Variants in PLPPR1 observed in about 807,000 individuals in gnomAD.
PLPPR1 encodes the protein phospholipid phosphatase related 1.
In PLPPR1, 10 loss-of-function variants were observed where a neutral mutation model predicts 33.1. The ratio of observed to expected loss-of-function variants is 0.30; its 90% CI spans 0.19 to 0.51. The LOEUF is 0.51. PLPPR1 is among the 20% of genes least tolerant of loss of function. The probability of loss-of-function intolerance (pLI) is 0.97; values close to 1 mark genes in which losing one functional copy is unlikely to be tolerated. For synonymous variants in PLPPR1, 151 were observed against 151.0 expected, an observed-to-expected ratio of 1.00 and a Z score of 0.00; for missense variants, 304 against 408.1, an observed-to-expected ratio of 0.74 and a Z score of 2.20.
intron 2 of PLPPR1, among the ~76,000 whole-genome samples, chr9:101,207,178 GAATA>G (rs1285574717): frequency 6.6e-6 from 1 of 151,840 alleles, no homozygotes; most frequent in Non-Finnish European, 1.5e-5. Context: ...GCAAAATACT[GAATA>G]AATATTGGCT....
rs149867049 is a variant in PLPPR1, at chr9:101,148,084, G to A, written c.-45-37366G>A. ...CTCTGCTCCAAGTGGACGGAATGGA[G>A]TTTCAATTGCCTAGGGTGCCTTGCC... On this transcript the variant is annotated intron_variant, in intron 1 of 7. Transcript: ENST00000374874. 3.0e-3 allele frequency among the ~76,000 whole-genome samples: 453 copies of A among 152,256 alleles called. 2 individuals carry two copies. Among genetic ancestry groups the A allele is most frequent in the Middle Eastern group, 0.01 (3 of 294 alleles).
chr9:101,097,612 T>C (rs945033916), intron 1 of PLPPR1, among the ~76,000 whole-genome samples: 5 of 152,196 alleles, frequency 3.3e-5, no homozygotes, highest in African/African-American at 4.8e-5. Flanking sequence ...CTGAAAGTAT[T>C]CATTGTCTGT....
intron 2 of PLPPR1, among the ~76,000 whole-genome samples, chr9:101,234,637 T>G (rs1010617217): frequency 6.6e-6 from 1 of 151,788 alleles, no homozygotes; most frequent in Non-Finnish European, 1.5e-5. Flanking sequence ...GAGAGAGAGA[T>G]CTCAACTAGA....
chr9:101,304,091 A>G (rs1177400550), intron 4 of PLPPR1, among the ~76,000 whole-genome samples: 1 of 122,164 alleles, frequency 8.2e-6, no homozygotes, highest in African/African-American at 3.5e-5. Context: ...ATTATGATTT[A>G]CAGTTTTCCA....
intron 1 of PLPPR1, among the ~76,000 whole-genome samples, chr9:101,165,880 C>G (rs1588054762): frequency 6.6e-6 from 1 of 152,134 alleles, no homozygotes. Context: ...ATTTTGAATT[C>G]ACTCTCCTGC....
In PLPPR1 at chr9:101,288,893, A is replaced by G. The variant is rs538973197; in HGVS notation, c.385+2657A>G. Reference sequence around the variant, plus strand: ...TTCACCCCAGCCCCACAAAGCTACCATCTATTGACCGTTTTGTAGCTATTG... The same window carrying G: ...TTCACCCCAGCCCCACAAAGCTACCGTCTATTGACCGTTTTGTAGCTATTG... On this transcript the variant is annotated intron_variant, in intron 4 of 7. Transcript: ENST00000374874. Among the ~76,000 whole-genome samples, 365 of 152,306 alleles carry G rather than the reference A, an allele frequency of 2.4e-3. 3 individuals carry two copies. Among genetic ancestry groups the G allele is most frequent in the African/African-American group, 7.9e-3 (330 of 41,568 alleles).
intron 1 of PLPPR1, among the ~76,000 whole-genome samples, chr9:101,074,941 G>T (rs1234961015): frequency 6.6e-6 from 1 of 152,120 alleles, no homozygotes; most frequent in Non-Finnish European, 1.5e-5. Flanking sequence ...CCAAGCAAAA[G>T]AAATTAAGGG....
chr9:101,219,994 C>T (rs1252185826), intron 2 of PLPPR1, among the ~76,000 whole-genome samples: 1 of 152,130 alleles, frequency 6.6e-6, no homozygotes, highest in African/African-American at 2.4e-5. Context: ...TAATGGAAGC[C>T]TCAACTGGAG....
intron 1 of PLPPR1, among the ~76,000 whole-genome samples, chr9:101,107,866 A>T (rs1830995108): frequency 6.6e-6 from 1 of 151,188 alleles, no homozygotes; most frequent in Admixed American, 6.6e-5. Flanking sequence ...CCGTTTTTTA[A>T]GCCGGTCTGA....
intron 1 of PLPPR1, among the ~76,000 whole-genome samples, chr9:101,036,980 A>G (rs1830018109): frequency 6.6e-6 from 1 of 152,048 alleles, no homozygotes; most frequent in African/African-American, 2.4e-5. Flanking sequence ...TCCAAAATCT[A>G]TGCTTATCTT....
At chr9:101,148,639 G>A (rs537479831) in intron 1 of PLPPR1, among the ~76,000 whole-genome samples, 1 of 151,778 alleles carries the variant, frequency 6.6e-6, no homozygotes, top group Admixed American at 6.6e-5. Context: ...AAGATTTTTT[G>A]CCAGATTATT....
chr9:101,086,464 C>T (rs1237763831), intron 1 of PLPPR1, among the ~76,000 whole-genome samples: 2 of 136,716 alleles, frequency 1.5e-5, no homozygotes, highest in African/African-American at 3.1e-5. Context: ...ATGTGGTCTA[C>T]CCCATGAAGG....
At chr9:101,029,749 ACAGGCTTGC>A (rs1281155779) in intron 1 of PLPPR1, among the ~76,000 whole-genome samples, 1 of 152,110 alleles carries the variant, frequency 6.6e-6, no homozygotes, top group African/African-American at 2.4e-5. Context: ...TGAGTTACTG[ACAGGCTTGC>A]CATAATCACC....
intron 1 of PLPPR1, among the ~76,000 whole-genome samples, chr9:101,046,836 G>A (rs965295614): frequency 1.3e-5 from 2 of 152,024 alleles, no homozygotes; most frequent in Non-Finnish European, 2.9e-5. Context: ...TTGCTGTTAT[G>A]AATTTCATAA....
chr9:101,283,323 C>T (rs905910838), intron 3 of PLPPR1, among the ~76,000 whole-genome samples: 14 of 152,090 alleles, frequency 9.2e-5, no homozygotes, highest in Admixed American at 2.6e-4. Flanking sequence ...TAAAGAAAGA[C>T]CAATGGAATA....
chr9:101,134,542 C>T (rs1831354515), intron 1 of PLPPR1, among the ~76,000 whole-genome samples: 1 of 151,916 alleles, frequency 6.6e-6, no homozygotes, highest in South Asian at 2.1e-4. Flanking sequence ...CCCACCATGC[C>T]TGGCTAAATT....
At chr9:101,095,737 A>G (rs915213743) in intron 1 of PLPPR1, among the ~76,000 whole-genome samples, 3 of 152,100 alleles carry the variant, frequency 2.0e-5, no homozygotes, top group Non-Finnish European at 4.4e-5. Flanking sequence ...TCTGACTCCA[A>G]ACACCAAGCT....
chr9:101,071,969 A>G (rs1536978), intron 1 of PLPPR1, among the ~76,000 whole-genome samples: 129 of 152,292 alleles, frequency 8.5e-4, no homozygotes, highest in African/African-American at 3.1e-3. Context: ...GCAACTGTCT[A>G]TTCAGTGTAT....
chr9:101,140,078 G>A (rs75807768), intron 1 of PLPPR1, among the ~76,000 whole-genome samples: 511 of 152,276 alleles, frequency 3.4e-3, no homozygotes, highest in African/African-American at 0.012. Flanking sequence ...CTCCTCAAAT[G>A]AGAGGGATAG....
Sources: gnomAD v4.1 joint callset for allele counts (sites outside exome capture counted in the v4.1 genomes callset) on GRCh38, gnomAD v4.1.1 for gene constraint, MANE v1.5 for transcripts, NCBI Gene and HGNC (gene_info 2026-07-23, HGNC 2026-07-21) for gene names.